Variants in EXOC6 observed in about 807,000 individuals in gnomAD.
EXOC6 encodes the protein SEC15-like 1.
In EXOC6, 60 loss-of-function variants were observed where a neutral mutation model predicts 112.5. That is an observed-to-expected ratio of 0.53 (90% CI 0.43 to 0.66). The LOEUF (loss-of-function observed/expected upper bound fraction) is 0.66. Ranked by LOEUF, EXOC6 falls within the 30% of genes least tolerant of loss-of-function variation. The pLI is 0.00. For missense variants in EXOC6, 855 were observed against 957.1 expected (o/e 0.89, Z 1.41); for synonymous variants, 295 against 308.0 (o/e 0.96, Z 0.44).
At chr10:92,853,685 C>T (rs999291897) in intron 1 of EXOC6, among the ~76,000 whole-genome samples, 2 of 152,046 alleles carry the variant, frequency 1.3e-5, no homozygotes, top group Admixed American at 6.6e-5. Context: ...GATATCCTTA[C>T]ATAAAATAAT....
chr10:93,035,875 C>T (rs533898681), intron 20 of EXOC6, among the ~76,000 whole-genome samples: 11 of 151,688 alleles, frequency 7.3e-5, no homozygotes, highest in African/African-American at 2.4e-4. Flanking sequence ...GAAACGAAAA[C>T]ACAGGAAGTA....
intron 19 of EXOC6, among the ~76,000 whole-genome samples, chr10:93,006,049 A>G (rs1843963175): frequency 6.6e-6 from 1 of 152,076 alleles, no homozygotes; most frequent in Non-Finnish European, 1.5e-5. Flanking sequence ...AGTCCCAGCC[A>G]CTCAGGAGGC....
intron 1 of EXOC6, among the ~76,000 whole-genome samples, chr10:92,876,509 T>C (rs531598000): frequency 6.6e-6 from 1 of 152,308 alleles, no homozygotes; most frequent in Admixed American, 6.5e-5. Context: ...TTAATCACTG[T>C]GCTTTGCCTT....
At chr10:92,986,697 A>G (rs1843023481) in intron 18 of EXOC6, among the ~76,000 whole-genome samples, 1 of 151,602 alleles carries the variant, frequency 6.6e-6, no homozygotes, top group African/African-American at 2.4e-5. Flanking sequence ...AAAAAAAAAA[A>G]GTACTTGAAT....
At chr10:93,015,740 A>T (rs2134241171) in intron 20 of EXOC6, among the ~76,000 whole-genome samples, 1 of 152,374 alleles carries the variant, frequency 6.6e-6, no homozygotes, top group South Asian at 2.1e-4. Flanking sequence ...CTCAAAAAAA[A>T]AAAAAGACAA....
At chr10:92,933,898 A>G (rs1409847502) in intron 9 of EXOC6, among the ~76,000 whole-genome samples, 1 of 152,162 alleles carries the variant, frequency 6.6e-6, no homozygotes, top group African/African-American at 2.4e-5. Flanking sequence ...AGCTTTGATT[A>G]GTCTGCTGAG....
intron 6 of EXOC6, among the ~76,000 whole-genome samples, chr10:92,911,697 A>G (rs1850770549): frequency 6.6e-6 from 1 of 151,818 alleles, no homozygotes; most frequent in Non-Finnish European, 1.5e-5. Context: ...TTAAACAGAC[A>G]TTTCATACAG....
chr10:92,850,972 C>A (rs1049702109), intron 1 of EXOC6, among the ~76,000 whole-genome samples: 45 of 151,756 alleles, frequency 3.0e-4, no homozygotes, highest in African/African-American at 1.1e-3. Context: ...AACAAAAAAA[C>A]AAAAACTATC....
At chr10:92,957,752 A>C (rs896443162) in intron 17 of EXOC6, among the ~76,000 whole-genome samples, 1 of 152,198 alleles carries the variant, frequency 6.6e-6, no homozygotes, top group South Asian at 2.1e-4. Flanking sequence ...TCTAAATGTG[A>C]TAAGGGGAAG....
chr10:93,032,463 T>C (rs1457219937), intron 20 of EXOC6, among the ~76,000 whole-genome samples: 3 of 152,222 alleles, frequency 2.0e-5, no homozygotes, highest in East Asian at 3.8e-4. Flanking sequence ...TGTGCATTTT[T>C]CTGAGAAGAA....
intron 5 of EXOC6, among the ~76,000 whole-genome samples, chr10:92,903,978 C>T (rs569205382): frequency 2.6e-5 from 4 of 152,158 alleles, no homozygotes; most frequent in South Asian, 2.1e-4. Context: ...GCTGTGAACC[C>T]GTACCAATTA....
rs12256603 is a variant in EXOC6 at position 92,909,805 on chromosome 10, T to G, written c.663+174T>G. ...ATCAGTGTTTTCTTTGGCTTCACATTTATTCCTTTTTTAAGTAAAATCAGT... is the reference window on the plus strand; with the variant it reads ...ATCAGTGTTTTCTTTGGCTTCACATGTATTCCTTTTTTAAGTAAAATCAGT... On this transcript the variant is annotated intron_variant, in intron 6 of 21. Transcript: ENST00000260762. Among the ~76,000 whole-genome samples the G allele has an allele frequency of 7.9e-3, 1,198 of 152,314 alleles. 20 individuals carry two copies. Among genetic ancestry groups the G allele is most frequent in the African/African-American group, 0.028 (1,153 of 41,560 alleles).
chr10:93,029,104 C>T (rs953360209), intron 20 of EXOC6, among the ~76,000 whole-genome samples: 4 of 152,180 alleles, frequency 2.6e-5, no homozygotes, highest in Middle Eastern at 3.2e-3. Flanking sequence ...GCCATCCACA[C>T]TGAGGCAAGA....
At chr10:93,050,939 C>T (rs758399517) in intron 20 of EXOC6, among the ~76,000 whole-genome samples, 5 of 151,774 alleles carry the variant, frequency 3.3e-5, no homozygotes, top group Non-Finnish European at 5.9e-5. Context: ...CTTCTGAGTA[C>T]GGCAGTGAAC....
chr10:92,916,475 A>C (rs1851095473), intron 7 of EXOC6, among the ~76,000 whole-genome samples: 2 of 152,092 alleles, frequency 1.3e-5, no homozygotes, highest in African/African-American at 4.8e-5. Context: ...GTGCCACTGT[A>C]CTCCAGCCTG....
intron 11 of EXOC6, among the ~76,000 whole-genome samples, chr10:92,934,672 C>G (rs577474363): frequency 6.6e-6 from 1 of 152,222 alleles, no homozygotes; most frequent in South Asian, 2.1e-4. Context: ...TTAAGCAGGT[C>G]TCATTAGTCT....
intron 20 of EXOC6, among the ~76,000 whole-genome samples, chr10:93,036,325 A>G (rs1378688884): frequency 1.3e-5 from 2 of 152,152 alleles, no homozygotes; most frequent in Non-Finnish European, 1.5e-5. Context: ...TCGAACATGT[A>G]TACATGCAGA....
chr10:92,955,695 A>G lies in EXOC6; in HGVS notation c.1754A>G (p.Tyr585Cys), dbSNP rs1280928030. 4 of 1,610,268 alleles carry G rather than the reference A, an allele frequency of 2.5e-6. No individual in the cohort carries two copies. Among genetic ancestry groups the G allele is most frequent in the African/African-American group, 1.3e-5 (1 of 74,652 alleles). The change falls in exon 17 of 22, where the codon TAT becomes TGT. Residue 585 changes from tyrosine to cysteine, a missense_variant. Coordinates refer to ENST00000260762, the MANE Select transcript of EXOC6 (RefSeq NM_019053.6). Reference protein sequence around the residue: ...SQETVHTTRLYGLSTFKDARH... With the variant: ...SQETVHTTRLCGLSTFKDARH... The stretch of plus-strand genomic sequence containing the variant: ...GAAACTGTTCATACTACAAGACTTT[A>G]TGGACTTTCTACTTTCAAGGTATGT...
chr10:92,944,673 C>T (rs1852865025), intron 13 of EXOC6, among the ~76,000 whole-genome samples: 1 of 152,176 alleles, frequency 6.6e-6, no homozygotes, highest in African/African-American at 2.4e-5. Flanking sequence ...TTGCCACCAA[C>T]AGCGTGCAAA....
Sources: allele counts gnomAD v4.1 joint callset (sites outside exome capture counted in the v4.1 genomes callset), GRCh38; gene constraint gnomAD v4.1.1; transcripts MANE v1.5; gene names NCBI Gene and HGNC (gene_info 2026-07-23, HGNC 2026-07-21).